ZNF784: variants seen among roughly 807,000 people sequenced by gnomAD.
ZNF784 encodes the protein zinc finger protein 784.
Under a neutral mutation model 3.3 loss-of-function variants are expected in ZNF784, and 5 were observed. The ratio of observed to expected loss-of-function variants is 1.53; its 90% confidence interval spans 0.80 to 3.22. ZNF784 has a LOEUF of 3.22. Among genes scored for constraint, ZNF784 ranks in the 30% most tolerant of loss-of-function variants. The pLI, the probability that ZNF784 is intolerant of heterozygous loss-of-function variation, is 0.00. For missense variants in ZNF784, 501 were observed against 480.7 expected (o/e 1.04, Z -0.39); for synonymous variants, 231 against 219.6 (o/e 1.05, Z -0.46).
At position 55,621,398 on chromosome 19, in the gene ZNF784, A is replaced by C; in HGVS notation, c.*353T>G. ...TCCTGGCTCCTCCTCTGAAGTGCCC[A>C]GGCTCTGTCGTGACAGGCTGGGTCT... On this transcript the variant is annotated 3_prime_UTR_variant, in exon 2 of 2. Transcript: ENST00000325351. This position sits in a 1 kb window ranked among gnomAD's most constrained non-coding sequence, Gnocchi z 4.1. The C allele has an allele frequency of 5.1e-6, 2 of 394,856 alleles. No homozygotes were observed. Among genetic ancestry groups the C allele is most frequent in the Non-Finnish European group, 9.5e-6 (2 of 210,692 alleles). The allele number at this position is 394,856 out of a possible 1,614,324, so 24.5% of individuals were successfully genotyped here. A position where few individuals can be genotyped will look rare whatever the true frequency, so the allele number is the denominator to read the frequency against.
Position 55,622,768 on chromosome 19 carries a change from G to T in ZNF784, c.79-124C>A. 1.1e-6 allele frequency: 1 copy of T among 894,560 alleles called. No homozygotes were observed. The highest frequency in any genetic ancestry group is 1.6e-6 in the Non-Finnish European group (1 of 640,076). The allele number at this position is 894,560 out of a possible 1,614,324, so 55.4% of individuals were successfully genotyped here. A position where few individuals can be genotyped will look rare whatever the true frequency, so the allele number is the denominator to read the frequency against. On this transcript the variant is annotated intron_variant, in intron 1 of 1. Transcript: ENST00000325351. This position sits in a 1 kb window ranked among gnomAD's most constrained non-coding sequence, Gnocchi z 5.9. ...GACAGGGCCTCACTCTGTTGCCCTG[G>T]CGCGATCGTGGCTCATTGCAACCTT... is the stretch of plus-strand genomic sequence containing the variant.
chr19:55,621,580 G>T lies in ZNF784; in HGVS notation c.*171C>A. The T allele has an allele frequency of 1.1e-6, 1 of 889,766 alleles. No homozygotes were observed. 55.1% of individuals were successfully genotyped at this position (889,766 alleles called of 1,614,324 possible). A position where few individuals can be genotyped will look rare whatever the true frequency, so the allele number is the denominator to read the frequency against. On this transcript the variant is annotated 3_prime_UTR_variant, in exon 2 of 2. Coordinates refer to ENST00000325351, the MANE Select transcript of ZNF784 (RefSeq NM_203374.2). The surrounding 1 kb of genome is among the most constrained non-coding windows in gnomAD (Gnocchi z 4.1). ...GTGGGCGTGTGGGAGTCTGGAGCCTGGCCCTCTCCCTCTGCTCTCCATCAC... is the reference window on the plus strand; with the variant it reads ...GTGGGCGTGTGGGAGTCTGGAGCCTTGCCCTCTCCCTCTGCTCTCCATCAC...
Position 55,621,947 on chromosome 19 carries a change from C to T in ZNF784, c.776G>A (p.Arg259His), listed in dbSNP as rs773890862. The T allele has an allele frequency of 1.6e-5, 26 of 1,595,504 alleles. No homozygotes were observed. The highest frequency in any genetic ancestry group is 3.4e-5 in the Admixed American group (2 of 59,012). ...GAAGTTGGAGGAGTTGTTGAAGGTG[C>T]GGTCGCAGAGCGTGCAGCGGAACGG... ...ERPFRCTLCD[R>H]TFNNSSNFRK... The change falls in exon 2 of 2, where the codon CGC (arginine) becomes CAC (histidine). Residue 259 changes from arginine to histidine, a missense_variant. By Grantham distance (29) the Arg-to-His change is conservative (BLOSUM62 0). Transcript: ENST00000325351. The surrounding 1 kb of genome is among the most constrained non-coding windows in gnomAD (Gnocchi z 4.1).
chr19:55,622,163 G>T lies in ZNF784; in HGVS notation c.560C>A (p.Ala187Glu). Residue 187 changes from alanine (A) to glutamate (E), a missense_variant, in exon 2 of 2, where the codon GCG (alanine) becomes GAG (glutamate). Physicochemically the swap from Ala to Glu is moderately radical, Grantham distance 107 (BLOSUM62 -1). Transcript: ENST00000325351. This position sits in a 1 kb window ranked among gnomAD's most constrained non-coding sequence, Gnocchi z 5.9. ...ERAEVVMAAA[A>E]AGAAVGKPFA... ...AGGCTTCCCCACCGCTGCGCCCGCCGCCGCCGCCGCCATCACCACCTCCGC... is the reference window on the plus strand; with the variant it reads ...AGGCTTCCCCACCGCTGCGCCCGCCTCCGCCGCCGCCATCACCACCTCCGC... 2.0e-6 allele frequency: 3 copies of T among 1,532,716 alleles called. No homozygotes were observed. Among genetic ancestry groups the T allele is most frequent in the Non-Finnish European group, 2.6e-6 (3 of 1,144,660 alleles). The allele number at this position is 1,532,716 out of a possible 1,614,324, so 94.9% of individuals were successfully genotyped here.
In ZNF784 at chr19:55,622,042, G is replaced by A. The variant is rs1173706894; in HGVS notation, c.681C>T (p.Gly227=). 4 of 1,592,142 alleles carry A rather than the reference G, an allele frequency of 2.5e-6. No individual in the cohort carries two copies. The Admixed American group carries it at 6.8e-5, about 27-fold the overall frequency. ...VHTGERPYHC[G]ICGKGFTQSS... ...ACTGGGTGAAGCCCTTGCCGCAGATGCCGCAATGGTATGGCCGCTCGCCAG... is the reference window on the plus strand; with the variant it reads ...ACTGGGTGAAGCCCTTGCCGCAGATACCGCAATGGTATGGCCGCTCGCCAG... Residue 227 remains glycine, a synonymous_variant, in exon 2 of 2, where the codon GGC becomes GGT. Coordinates refer to ENST00000325351, the MANE Select transcript of ZNF784 (RefSeq NM_203374.2). The surrounding 1 kb of genome is among the most constrained non-coding windows in gnomAD (Gnocchi z 5.9).
At position 55,622,373 on chromosome 19, in the gene ZNF784, C is replaced by T. The variant is rs913179025; in HGVS notation, c.350G>A (p.Arg117His). 2 of 1,538,968 alleles carry T rather than the reference C, an allele frequency of 1.3e-6. No individual in the cohort carries two copies. Among genetic ancestry groups the T allele is most frequent in the Non-Finnish European group, 1.7e-6 (2 of 1,144,986 alleles). Residue 117 changes from arginine to histidine, a missense_variant, in exon 2 of 2, where the codon CGC becomes CAC. Arg to His is a conservative substitution (Grantham distance 29, BLOSUM62 0). Transcript: ENST00000325351. This position sits in a 1 kb window ranked among gnomAD's most constrained non-coding sequence, Gnocchi z 5.9. ...GHSCPGPASL[R>H]AHYSLHTGER... ...CCCCGTGTGCAAGCTGTAGTGCGCGCGCAGGCTGGCGGGGCCCGGGCAGCT... is the reference window on the plus strand; with the variant it reads ...CCCCGTGTGCAAGCTGTAGTGCGCGTGCAGGCTGGCGGGGCCCGGGCAGCT...
chr19:55,622,697 C>A lies in ZNF784; in HGVS notation c.79-53G>T. 1.4e-6 allele frequency: 2 copies of A among 1,396,320 alleles called. No homozygotes were observed. Among genetic ancestry groups the A allele is most frequent in the South Asian group, 1.6e-5 (1 of 64,376 alleles). 86.5% of individuals were successfully genotyped at this position (1,396,320 alleles called of 1,614,324 possible). ...CTGTGGAACCTGCCTCAGGACCGCC[C>A]CAGCACGCCCCAATTATTAAAGCTT... On this transcript the variant is annotated intron_variant, in intron 1 of 1. Coordinates refer to ENST00000325351, the MANE Select transcript of ZNF784 (RefSeq NM_203374.2). This position sits in a 1 kb window ranked among gnomAD's most constrained non-coding sequence, Gnocchi z 5.9.
chr19:55,622,502 A>C lies in ZNF784; in HGVS notation c.221T>G (p.Phe74Cys), dbSNP rs748741703. ...GAACAGCAGCTCGGAAACCAGCCGG[A>C]AGGCAGCAGGGCACAAGGCACAGTG... Reference protein sequence around the residue: ...SFHCALCPAAFRLVSELLFHE... With the variant: ...SFHCALCPAACRLVSELLFHE... The change falls in exon 2 of 2, where the codon TTC becomes TGC. Residue 74 changes from phenylalanine to cysteine, a missense_variant. Coordinates refer to ENST00000325351, the MANE Select transcript of ZNF784 (RefSeq NM_203374.2). This position sits in a 1 kb window ranked among gnomAD's most constrained non-coding sequence, Gnocchi z 5.9. The C allele has an allele frequency of 3.1e-6, 5 of 1,612,894 alleles. No homozygotes were observed. The East Asian group carries it at 1.1e-4, about 36-fold the overall frequency.
In ZNF784 at chr19:55,621,294, A is replaced by C. The variant is rs1009234232; in HGVS notation, c.*457T>G. 1.4e-5 allele frequency: 3 copies of C among 216,496 alleles called. No homozygotes were observed. The highest frequency in any genetic ancestry group is 2.8e-5 in the Non-Finnish European group (3 of 105,886). The allele number at this position is 216,496 out of a possible 1,614,324, so 13.4% of individuals were successfully genotyped here. A position where few individuals can be genotyped will look rare whatever the true frequency, so the allele number is the denominator to read the frequency against. ...TCCAGTGCAATGCAGTGAGGTAGGC[A>C]GGAGACTCCATCCTGGTCCACCCGT... is the stretch of plus-strand genomic sequence containing the variant. On this transcript the variant is annotated 3_prime_UTR_variant, in exon 2 of 2. Coordinates refer to ENST00000325351, the MANE Select transcript of ZNF784 (RefSeq NM_203374.2). The surrounding 1 kb of genome is among the most constrained non-coding windows in gnomAD (Gnocchi z 4.1).
At position 55,622,516 on chromosome 19, in the gene ZNF784, CA is replaced by C. The variant is rs1568529581; in HGVS notation, c.206del (p.Leu69CysfsTer114). 1 of 1,612,808 alleles carries C rather than the reference CA, an allele frequency of 6.2e-7. No homozygotes were observed. The highest frequency in any genetic ancestry group is 1.1e-5 in the South Asian group (1 of 90,936). ...AAACCAGCCGGAAGGCAGCAGGGCA[CA>C]AGGCACAGTGGAAAGAACCTGGCTC... ...PPEPGSFHCALCPAAFRLVSE... is the reference protein window; with the variant it reads ...PPEPGSFHCAXCPAAFRLVSE... On this transcript the variant is annotated frameshift_variant, in exon 2 of 2. Transcript: ENST00000325351. LOFTEE classifies it low-confidence loss of function (END_TRUNC). This position sits in a 1 kb window ranked among gnomAD's most constrained non-coding sequence, Gnocchi z 5.9.
chr19:55,621,891 G>T lies in ZNF784; in HGVS notation c.832C>A (p.Pro278Thr). Residue 278 changes from proline to threonine, a missense_variant, in exon 2 of 2, where the codon CCG becomes ACG. Physicochemically the swap from Pro to Thr is conservative, Grantham distance 38. Coordinates refer to ENST00000325351, the MANE Select transcript of ZNF784 (RefSeq NM_203374.2). The surrounding 1 kb of genome is among the most constrained non-coding windows in gnomAD (Gnocchi z 4.1). ...RKHQRTHFHG[P>T]GPGLGDSGGQ... ...CCAGAGTCTCCCAGCCCCGGCCCCG[G>T]CCCGTGGAAGTGGGTGCGCTGGTGC... The T allele has an allele frequency of 6.3e-7, 1 of 1,590,734 alleles. No homozygotes were observed. The highest frequency in any genetic ancestry group is 8.5e-7 in the Non-Finnish European group (1 of 1,174,816).
At position 55,622,255 on chromosome 19, in the gene ZNF784, GC is replaced by G; in HGVS notation, c.467del (p.Gly156AlafsTer27). ...RHQHRHGVEPGTSRRPPDTAA... is the reference protein window; with the variant it reads ...RHQHRHGVEPXTSRRPPDTAA... ...CTGTGTCCGGAGGCCTCCGAGAGGT[GC>G]CCGGCTCCACCCCGTGCCGGTGCTG... On this transcript the variant is annotated frameshift_variant, in exon 2 of 2. Transcript: ENST00000325351. LOFTEE classifies it low-confidence loss of function (END_TRUNC). The surrounding 1 kb of genome is among the most constrained non-coding windows in gnomAD (Gnocchi z 5.9). 1 of 1,536,338 alleles carries G rather than the reference GC, an allele frequency of 6.5e-7. No individual in the cohort carries two copies. The highest frequency in any genetic ancestry group is 8.7e-7 in the Non-Finnish European group (1 of 1,145,362).
At chr19:55,624,434 G>C in intron 1 of ZNF784, 50 bp downstream of exon 1, 5 of 965,124 alleles carry the variant, frequency 5.2e-6, no homozygotes, top group African/African-American at 1.8e-5. Flanking sequence ...CCCACACTAC[G>C]ACCTCCTCCC....
chr19:55,621,674 C>T lies in ZNF784; in HGVS notation c.*77G>A, dbSNP rs2123600008. On this transcript the variant is annotated 3_prime_UTR_variant, in exon 2 of 2. Coordinates refer to ENST00000325351, the MANE Select transcript of ZNF784 (RefSeq NM_203374.2). This position sits in a 1 kb window ranked among gnomAD's most constrained non-coding sequence, Gnocchi z 4.1. ...TCTCCCCTCTTCTGTCCCCTGCCTC[C>T]GTTTCCCCACCCCGTCCCCCTCCCC... 4 of 1,531,758 alleles carry T rather than the reference C, an allele frequency of 2.6e-6. No homozygotes were observed. Among genetic ancestry groups the T allele is most frequent in the Non-Finnish European group, 3.5e-6 (4 of 1,137,340 alleles). 94.9% of individuals were successfully genotyped at this position (1,531,758 alleles called of 1,614,324 possible). A position where few individuals can be genotyped will look rare whatever the true frequency, so the allele number is the denominator to read the frequency against.
chr19:55,623,412 C>G (rs12460543), intron 1 of ZNF784, among the ~76,000 whole-genome samples: 23,859 of 152,188 alleles, frequency 0.16, 2,030 homozygotes, highest in East Asian at 0.27. Flanking sequence ...ACCTTTTGTC[C>G]TCCACCCTAG....
At chr19:55,623,522 A>AAAT (rs1981640641) in intron 1 of ZNF784, among the ~76,000 whole-genome samples, 1 of 152,234 alleles carries the variant, frequency 6.6e-6, no homozygotes, top group South Asian at 2.1e-4. Context: ...GAATAGCCTG[A>AAAT]AGGTCTTTTG....
intron 1 of ZNF784, among the ~76,000 whole-genome samples, chr19:55,623,226 G>A (rs1040646376): frequency 1.3e-5 from 2 of 152,172 alleles, no homozygotes; most frequent in Admixed American, 6.5e-5. Flanking sequence ...TGTAGAGGGA[G>A]TCCCACTATG....
At position 55,621,829 on chromosome 19, in the gene ZNF784, C is replaced by T. The variant is rs1981564245; in HGVS notation, c.894G>A (p.Gly298=). ...CAGGGTCCCCTACCCCACACCCGCT[C>T]CCCGACCCCTCAGCCGCCGACGAGC... ...QLGSSAAEGS[G]SGCGVGDPAE... is the part of the protein sequence containing the mutation. Residue 298 remains glycine (G), a synonymous_variant, in exon 2 of 2, where the codon GGG becomes GGA. Coordinates refer to ENST00000325351, the MANE Select transcript of ZNF784 (RefSeq NM_203374.2). The surrounding 1 kb of genome is among the most constrained non-coding windows in gnomAD (Gnocchi z 4.1). The T allele has an allele frequency of 6.3e-7, 1 of 1,588,036 alleles. No homozygotes were observed.
In ZNF784 at chr19:55,621,417, T is replaced by G. The variant is rs1278685860; in HGVS notation, c.*334A>C. On this transcript the variant is annotated 3_prime_UTR_variant, in exon 2 of 2. Transcript: ENST00000325351. This position sits in a 1 kb window ranked among gnomAD's most constrained non-coding sequence, Gnocchi z 4.1. ...GTGCCCAGGCTCTGTCGTGACAGGC[T>G]GGGTCTTGCACAAGGACAAGCCAAC... 1 of 440,956 alleles carries G rather than the reference T, an allele frequency of 2.3e-6. No individual in the cohort carries two copies. The allele number at this position is 440,956 out of a possible 1,614,324, so 27.3% of individuals were successfully genotyped here. A position where few individuals can be genotyped will look rare whatever the true frequency, so the allele number is the denominator to read the frequency against.
Sources: gnomAD v4.1 joint callset for allele counts (sites outside exome capture counted in the v4.1 genomes callset) on GRCh38, gnomAD v4.1.1 for gene constraint, Gnocchi (gnomAD v3.1) non-coding constraint, MANE v1.5 for transcripts, NCBI Gene and HGNC (gene_info 2026-07-23, HGNC 2026-07-21) for gene names.